The following CNTNAP2 variants were observed in gnomAD, a reference collection of about 807,000 sequenced individuals.
The protein encoded by CNTNAP2 is contactin associated protein 2.
CNTNAP2 carries 98 observed loss-of-function variants against 155.2 expected under a neutral mutation model. The observed-to-expected ratio is 0.63, with a 90% confidence interval of 0.54 to 0.75. CNTNAP2 has a LOEUF of 0.75. Among genes scored for constraint, CNTNAP2 ranks in the 30% least tolerant of loss-of-function variants. The probability of loss-of-function intolerance (pLI) is 0.00; values close to 1 mark genes in which losing one functional copy is unlikely to be tolerated. For missense variants in CNTNAP2, 1,727 were observed against 1,688.1 expected (o/e 1.02, Z -0.40); for synonymous variants, 651 against 631.2 (o/e 1.03, Z -0.47).
At chr7:146,130,165 A>G (rs747495418) in intron 1 of CNTNAP2, among the ~76,000 whole-genome samples, 1 of 152,232 alleles carries the variant, frequency 6.6e-6, no homozygotes, top group Non-Finnish European at 1.5e-5. Flanking sequence ...CACTGGTTAG[A>G]AATATAGGCA....
At chr7:146,551,114 T>C (rs1044513681) in intron 1 of CNTNAP2, among the ~76,000 whole-genome samples, 2 of 151,976 alleles carry the variant, frequency 1.3e-5, no homozygotes, top group African/African-American at 4.8e-5. Context: ...ATGAATATGT[T>C]TGGAGTCAAG....
intron 2 of CNTNAP2, among the ~76,000 whole-genome samples, chr7:146,784,706 G>A (rs1036982037): frequency 1.1e-4 from 16 of 152,060 alleles, no homozygotes; most frequent in Admixed American, 6.5e-4. Flanking sequence ...GGACCCTGTC[G>A]TCACTGAACG....
At chr7:146,264,471 G>A (rs1799964432) in intron 1 of CNTNAP2, among the ~76,000 whole-genome samples, 1 of 151,588 alleles carries the variant, frequency 6.6e-6, no homozygotes, top group Admixed American at 6.6e-5. Flanking sequence ...AAAAAAGAAA[G>A]AAAGAAAGAA....
At chr7:146,659,706 C>T (rs561613030) in intron 1 of CNTNAP2, among the ~76,000 whole-genome samples, 354 of 152,256 alleles carry the variant, frequency 2.3e-3, no homozygotes, top group Middle Eastern at 6.8e-3. Context: ...ATATTCATCA[C>T]GTCTTAATAA....
At chr7:146,442,435 G>T (rs1796333101) in intron 1 of CNTNAP2, among the ~76,000 whole-genome samples, 1 of 150,548 alleles carries the variant, frequency 6.6e-6, no homozygotes, top group South Asian at 2.1e-4. Flanking sequence ...ATCCATTTGG[G>T]GTGTGTGTGT....
At chr7:147,729,667 A>C (rs539296244) in intron 13 of CNTNAP2, among the ~76,000 whole-genome samples, 3 of 152,102 alleles carry the variant, frequency 2.0e-5, no homozygotes, top group Non-Finnish European at 4.4e-5. Context: ...AGCTTACAAC[A>C]TGAGGAGCAG....
chr7:147,342,362 A>T (rs1795780405), intron 9 of CNTNAP2, among the ~76,000 whole-genome samples: 1 of 152,168 alleles, frequency 6.6e-6, no homozygotes, highest in Admixed American at 6.6e-5. Flanking sequence ...CTATAAATGA[A>T]TGTCAGCTAT....
At chr7:147,142,748 A>C (rs966198736) in intron 8 of CNTNAP2, among the ~76,000 whole-genome samples, 1 of 152,172 alleles carries the variant, frequency 6.6e-6, no homozygotes, top group Non-Finnish European at 1.5e-5. Flanking sequence ...AACTTAAAGT[A>C]TAATTAAACA....
chr7:148,310,868 C>T (rs1011749730), intron 21 of CNTNAP2, among the ~76,000 whole-genome samples: 7 of 151,978 alleles, frequency 4.6e-5, no homozygotes, highest in African/African-American at 1.7e-4. Flanking sequence ...GGGGGAGGTT[C>T]GATTTACATG....
intron 6 of CNTNAP2, among the ~76,000 whole-genome samples, chr7:147,125,344 A>C (rs1378668978): frequency 6.6e-6 from 1 of 152,076 alleles, no homozygotes; most frequent in Non-Finnish European, 1.5e-5. Context: ...ACCTAGTCCT[A>C]AGAGTTTGTC....
chr7:146,576,759 T>G (rs1425009066), intron 1 of CNTNAP2, among the ~76,000 whole-genome samples: 2 of 152,184 alleles, frequency 1.3e-5, no homozygotes, highest in African/African-American at 2.4e-5. Context: ...AGGAAAGTTC[T>G]AGAGATGATT....
rs1428670827 is a variant in CNTNAP2 at position 147,762,414 on chromosome 7, T to G, written c.2098+123108T>G. 2.0e-5 allele frequency among the ~76,000 whole-genome samples: 3 copies of G among 152,106 alleles called. No individual in the cohort carries two copies. In the East Asian group the frequency reaches 5.8e-4, roughly 29 times the overall value. On this transcript the variant is annotated intron_variant, in intron 13 of 23. Transcript: ENST00000361727. ...ACAGATAGTGACATTATGAGTTTGC[T>G]GAAAGGCAAACAGGATGAGTTCAGT...
intron 13 of CNTNAP2, among the ~76,000 whole-genome samples, chr7:147,860,804 T>C (rs1179222103): frequency 1.3e-5 from 2 of 152,148 alleles, no homozygotes; most frequent in African/African-American, 4.8e-5. Context: ...AATGCACTAA[T>C]ACAATATTTG....
intron 18 of CNTNAP2, among the ~76,000 whole-genome samples, chr7:148,176,715 A>G (rs1794944994): frequency 6.6e-6 from 1 of 152,212 alleles, no homozygotes; most frequent in Non-Finnish European, 1.5e-5. Flanking sequence ...ATAACTGAGC[A>G]GCATCCCATC....
chr7:148,157,744 C>T (rs1288637987), intron 17 of CNTNAP2, among the ~76,000 whole-genome samples: 1 of 152,090 alleles, frequency 6.6e-6, no homozygotes, highest in Non-Finnish European at 1.5e-5. Flanking sequence ...TCTACCCCAA[C>T]CTTTGTAACT....
rs530593307 is a variant in CNTNAP2, at chr7:146,356,113, A to G, written c.97+239140A>G. ...CACACACGGGAGTTTACAACCATAC[A>G]TTACAGAGTTCTGCAAACTCAAATA... On this transcript the variant is annotated intron_variant, in intron 1 of 23. Coordinates refer to ENST00000361727, the MANE Select transcript of CNTNAP2 (RefSeq NM_014141.6). Among the ~76,000 whole-genome samples, 17 of 151,766 alleles carry G rather than the reference A, an allele frequency of 1.1e-4. No homozygotes were observed. The East Asian group carries it at 3.1e-3, about 28-fold the overall frequency.
rs1800021009 is a variant in CNTNAP2, at chr7:148,417,448, G to A, written c.*1832G>A. Reference sequence around the variant, plus strand: ...GGAATCCTGATGCCCTTTTACCATTGCTGGTTGAGCTCAGGCACTGTCATG... The same window carrying A: ...GGAATCCTGATGCCCTTTTACCATTACTGGTTGAGCTCAGGCACTGTCATG... On this transcript the variant is annotated 3_prime_UTR_variant, in exon 24 of 24. Transcript: ENST00000361727. The A allele has an allele frequency of 6.6e-6, 1 of 152,614 alleles. No individual in the cohort carries two copies. Among genetic ancestry groups the A allele is most frequent in the African/African-American group, 2.4e-5 (1 of 41,438 alleles). 9.5% of individuals were successfully genotyped at this position (152,614 alleles called of 1,614,324 possible). A position where few individuals can be genotyped will look rare whatever the true frequency, so the allele number is the denominator to read the frequency against.
At chr7:146,610,955 C>A (rs867533789) in intron 1 of CNTNAP2, among the ~76,000 whole-genome samples, 1 of 152,132 alleles carries the variant, frequency 6.6e-6, no homozygotes, top group East Asian at 1.9e-4. Context: ...AAAGTCCCAA[C>A]CTCTGGGATT....
intron 15 of CNTNAP2, among the ~76,000 whole-genome samples, chr7:148,091,010 G>T (rs915283423): frequency 6.6e-6 from 1 of 152,092 alleles, no homozygotes; most frequent in African/African-American, 2.4e-5. Context: ...CATGTGGAGG[G>T]TAAAAAAGTT....
Sources: gnomAD v4.1 joint callset for allele counts (sites outside exome capture counted in the v4.1 genomes callset) on GRCh38, gnomAD v4.1.1 for gene constraint, MANE v1.5 for transcripts, NCBI Gene and HGNC (gene_info 2026-07-23, HGNC 2026-07-21) for gene names.